IMMP2L: variants seen among roughly 807,000 people sequenced by gnomAD.
IMMP2L encodes the protein inner mitochondrial membrane peptidase subunit 2.
A neutral mutation model predicts 19.3 loss-of-function variants in IMMP2L; 18 were observed. That is an observed-to-expected ratio of 0.93 (90% CI 0.64 to 1.38). The LOEUF (loss-of-function observed/expected upper bound fraction) is 1.38, where lower values mean the gene tolerates loss of function less well. Ranked by LOEUF, IMMP2L falls within the 40% of genes most tolerant of loss-of-function variation. IMMP2L has a pLI of 0.00. For missense variants in IMMP2L, 233 were observed against 218.2 expected, an observed-to-expected ratio of 1.07 and a Z score of -0.43; for synonymous variants, 76 against 73.0, an observed-to-expected ratio of 1.04 and a Z score of -0.21.
At chr7:111,135,812 T>C (rs548718127) in intron 3 of IMMP2L, among the ~76,000 whole-genome samples, 42 of 152,282 alleles carry the variant, frequency 2.8e-4, no homozygotes, top group African/African-American at 9.1e-4. Flanking sequence ...TGACAAACTT[T>C]ATAATATTAT....
chr7:111,522,511 C>A (rs1448860409), intron 1 of IMMP2L, among the ~76,000 whole-genome samples: 1 of 151,970 alleles, frequency 6.6e-6, no homozygotes, highest in Non-Finnish European at 1.5e-5. Flanking sequence ...ACAATAATTT[C>A]TCAAAAGAAG....
intron 5 of IMMP2L, among the ~76,000 whole-genome samples, chr7:110,821,378 C>T (rs765908072): frequency 1.4e-4 from 21 of 152,024 alleles, no homozygotes; most frequent in Non-Finnish European, 2.4e-4. Context: ...CAGAGTTTCA[C>T]GTTTGCTGGC....
At chr7:111,527,422 A>AGG (rs34300115) in intron 1 of IMMP2L, among the ~76,000 whole-genome samples, 1,478 of 106,092 alleles carry the variant, frequency 0.014, 43 homozygotes, top group East Asian at 0.078. Flanking sequence ...GTCTCCAAAA[A>AGG]GGGGGGGGGG....
At chr7:110,764,186 G>A (rs1401121652) in intron 5 of IMMP2L, among the ~76,000 whole-genome samples, 2 of 152,038 alleles carry the variant, frequency 1.3e-5, no homozygotes, top group East Asian at 3.8e-4. Flanking sequence ...ATGCCTTCTG[G>A]CAAATGAAAG....
intron 5 of IMMP2L, among the ~76,000 whole-genome samples, chr7:110,852,968 G>A (rs892837507): frequency 6.6e-6 from 1 of 152,058 alleles, no homozygotes; most frequent in African/African-American, 2.4e-5. Context: ...CCCTGCCAAA[G>A]ACTGAAGATA....
At chr7:110,756,150 T>C (rs976336922) in intron 5 of IMMP2L, among the ~76,000 whole-genome samples, 1 of 151,964 alleles carries the variant, frequency 6.6e-6, no homozygotes, top group African/African-American at 2.4e-5. Flanking sequence ...GGATAGCAGA[T>C]GTGGAGATAA....
intron 3 of IMMP2L, among the ~76,000 whole-genome samples, chr7:111,350,804 C>A (rs1372468134): frequency 1.3e-5 from 2 of 152,038 alleles, no homozygotes; most frequent in South Asian, 2.1e-4. Flanking sequence ...TCTTTTGTAT[C>A]TATTTTTAAT....
intron 3 of IMMP2L, among the ~76,000 whole-genome samples, chr7:111,291,876 T>A (rs1821148195): frequency 6.6e-6 from 1 of 152,172 alleles, no homozygotes; most frequent in African/African-American, 2.4e-5. Context: ...TATGTACAGT[T>A]ATCTGTCCAT....
chr7:110,897,182 A>AT (rs975758561), intron 4 of IMMP2L, among the ~76,000 whole-genome samples: 1 of 152,182 alleles, frequency 6.6e-6, no homozygotes, highest in Non-Finnish European at 1.5e-5. Flanking sequence ...ATACCTCAGT[A>AT]TTTTGAAATT....
intron 3 of IMMP2L, among the ~76,000 whole-genome samples, chr7:111,198,349 C>A (rs1412318349): frequency 1.3e-5 from 2 of 152,132 alleles, no homozygotes; most frequent in Non-Finnish European, 2.9e-5. Context: ...ATTCCTGGCT[C>A]AACTACTCAA....
intron 3 of IMMP2L, among the ~76,000 whole-genome samples, chr7:111,452,838 A>G (rs750452962): frequency 1.3e-5 from 2 of 152,146 alleles, no homozygotes; most frequent in Non-Finnish European, 2.9e-5. Context: ...ACTCTTTTCT[A>G]TAGTACTTAT....
intron 3 of IMMP2L, among the ~76,000 whole-genome samples, chr7:111,252,291 A>G (rs955548024): frequency 6.6e-6 from 1 of 152,190 alleles, no homozygotes; most frequent in Non-Finnish European, 1.5e-5. Context: ...GTATGTACGT[A>G]GCATGCACAT....
chr7:111,499,668 C>G (rs1432457662), intron 2 of IMMP2L, among the ~76,000 whole-genome samples: 2 of 152,190 alleles, frequency 1.3e-5, no homozygotes, highest in East Asian at 3.9e-4. Flanking sequence ...TAAAATCCAG[C>G]AGCATGTGTT....
At chr7:110,859,223 C>T (rs1412094152) in intron 5 of IMMP2L, among the ~76,000 whole-genome samples, 2 of 151,966 alleles carry the variant, frequency 1.3e-5, no homozygotes, top group Non-Finnish European at 2.9e-5. Context: ...TTTTATGAAG[C>T]TTTTGACTCA....
rs140946452 is a variant in IMMP2L at position 111,213,297 on chromosome 7, C to T, written c.240-249732G>A. Among the ~76,000 whole-genome samples, 130 of 152,334 alleles carry T rather than the reference C, an allele frequency of 8.5e-4. No homozygotes were observed. Among genetic ancestry groups the T allele is most frequent in the African/African-American group, 3.0e-3 (123 of 41,578 alleles). ...ACATACCAGCACCCTGCTGCCTCAG[C>T]CCCCTCCAGGCTTTGGGTGCCAATG... On this transcript the variant is annotated intron_variant, in intron 3 of 5. Transcript: ENST00000405709. This position sits in a 1 kb window ranked among gnomAD's most constrained non-coding sequence, Gnocchi z 4.8.
At chr7:111,285,634 G>A (rs574797626) in intron 3 of IMMP2L, among the ~76,000 whole-genome samples, 1 of 152,172 alleles carries the variant, frequency 6.6e-6, no homozygotes, top group East Asian at 1.9e-4. Context: ...TATTCCCCTG[G>A]TCAAATCCTC....
intron 3 of IMMP2L, among the ~76,000 whole-genome samples, chr7:111,477,401 T>C: frequency 6.6e-6 from 1 of 152,200 alleles, no homozygotes; most frequent in Admixed American, 6.5e-5. Context: ...CAATTGAGCA[T>C]GTGCCAGGGG....
intron 3 of IMMP2L, among the ~76,000 whole-genome samples, chr7:111,242,651 C>G (rs1815236747): frequency 6.6e-6 from 1 of 152,024 alleles, no homozygotes; most frequent in African/African-American, 2.4e-5. Flanking sequence ...TACAATCCTT[C>G]TTCATTCTGA....
intron 3 of IMMP2L, among the ~76,000 whole-genome samples, chr7:111,359,621 C>T (rs577697099): frequency 8.6e-5 from 13 of 152,022 alleles, no homozygotes; most frequent in African/African-American, 2.9e-4. Flanking sequence ...TCATAAACAC[C>T]ACAGAAATTG....
Sources: gnomAD v4.1 joint callset for allele counts (sites outside exome capture counted in the v4.1 genomes callset) on GRCh38, gnomAD v4.1.1 for gene constraint, Gnocchi (gnomAD v3.1) non-coding constraint, MANE v1.5 for transcripts, NCBI Gene and HGNC (gene_info 2026-07-23, HGNC 2026-07-21) for gene names.